The following RAP1GAP2 variants were observed in gnomAD, a reference collection of about 807,000 sequenced individuals.
The protein encoded by RAP1GAP2 is RAP1 GTPase activating protein 2, also known as rap1 GTPase-activating protein 2.
In RAP1GAP2, 27 loss-of-function variants were observed where a neutral mutation model predicts 95.0. The observed-to-expected ratio is 0.28, with a 90% CI of 0.21 to 0.39. The LOEUF (loss-of-function observed/expected upper bound fraction) is 0.39, where lower values mean the gene tolerates loss of function less well. RAP1GAP2 is among the 10% of genes least tolerant of loss of function. RAP1GAP2 has a pLI of 1.00. For missense variants in RAP1GAP2, 771 were observed against 970.0 expected (o/e 0.79, Z 2.72); for synonymous variants, 373 against 380.9 (o/e 0.98, Z 0.24).
At chr17:2,771,445 G>C (rs1044608787) in intron 2 of RAP1GAP2, among the ~76,000 whole-genome samples, 1 of 151,320 alleles carries the variant, frequency 6.6e-6, no homozygotes, top group Non-Finnish European at 1.5e-5. Flanking sequence ...CACCCGACCC[G>C]GGGACTTTCT....
At chr17:2,813,646 C>T (rs913803885) in intron 2 of RAP1GAP2, among the ~76,000 whole-genome samples, 3 of 152,112 alleles carry the variant, frequency 2.0e-5, no homozygotes, top group African/African-American at 7.2e-5. Flanking sequence ...ATGCCCACAA[C>T]CCACCCCTCA....
rs1168175299 is a variant in RAP1GAP2, at chr17:3,026,930, G to A, written c.1981-14G>A. On this transcript the variant is annotated splice_polypyrimidine_tract_variant and intron_variant, in intron 21 of 24. Coordinates refer to ENST00000254695, the MANE Select transcript of RAP1GAP2 (RefSeq NM_015085.5). Reference sequence around the variant, plus strand: ...AGGGTGGGCTGGCCTCGCTCACCCTGCCTCTCTCCTCAGGGCAGCCAGCCG... The same window carrying A: ...AGGGTGGGCTGGCCTCGCTCACCCTACCTCTCTCCTCAGGGCAGCCAGCCG... 1.9e-6 allele frequency: 3 copies of A among 1,549,512 alleles called. No individual in the cohort carries two copies. Among genetic ancestry groups the A allele is most frequent in the Non-Finnish European group, 2.6e-6 (3 of 1,145,988 alleles).
chr17:2,898,569 G>C (rs1310868475), intron 2 of RAP1GAP2, among the ~76,000 whole-genome samples: 1 of 152,178 alleles, frequency 6.6e-6, no homozygotes, highest in Non-Finnish European at 1.5e-5. Context: ...GGGCCTGGCG[G>C]TTCCCACATG....
At chr17:3,026,548 C>T (rs1289454406) in intron 21 of RAP1GAP2, 84 bp downstream of exon 21, 12 of 1,126,008 alleles carry the variant, frequency 1.1e-5, no homozygotes, top group South Asian at 1.6e-5. Flanking sequence ...CACTGTGGAT[C>T]GAAGCCCATG....
intron 8 of RAP1GAP2, among the ~76,000 whole-genome samples, chr17:2,976,002 G>A (rs2045102641): frequency 6.6e-6 from 1 of 152,202 alleles, no homozygotes; most frequent in Admixed American, 6.5e-5. Context: ...TCATCACCCT[G>A]ATGTTCCGTG....
At position 2,965,693 on chromosome 17, in the gene RAP1GAP2, C is replaced by A; in HGVS notation, c.596+50C>A. 1 of 1,375,174 alleles carries A rather than the reference C, an allele frequency of 7.3e-7. No homozygotes were observed. Among genetic ancestry groups the A allele is most frequent in the Non-Finnish European group, 1.0e-6 (1 of 983,298 alleles). The allele number at this position is 1,375,174 out of a possible 1,614,324, so 85.2% of individuals were successfully genotyped here. A position where few individuals can be genotyped will look rare whatever the true frequency, so the allele number is the denominator to read the frequency against. On this transcript the variant is annotated intron_variant, in intron 8 of 24. Coordinates refer to ENST00000254695, the MANE Select transcript of RAP1GAP2 (RefSeq NM_015085.5). The surrounding 1 kb of genome is among the most constrained non-coding windows in gnomAD (Gnocchi z 4.7). ...CCACTTCTCTTCCAGGCAGGGCTCT[C>A]ATCGGTGGTGTGGGGGCTGGGATGG...
At chr17:2,821,399 G>A (rs375681775) in intron 2 of RAP1GAP2, among the ~76,000 whole-genome samples, 14 of 133,806 alleles carry the variant, frequency 1.0e-4, no homozygotes, top group Non-Finnish European at 4.6e-5. Context: ...TTTTTGAGAC[G>A]GAGTCTCGCT....
chr17:2,991,556 CAG>C (rs561454839), intron 12 of RAP1GAP2, among the ~76,000 whole-genome samples, 159 bp downstream of exon 12: 63 of 151,474 alleles, frequency 4.2e-4, no homozygotes, highest in Non-Finnish European at 6.5e-4. Flanking sequence ...TCTAAGGAAT[CAG>C]GGGTCCAAGG....
chr17:2,815,778 G>A (rs1966298), intron 2 of RAP1GAP2, among the ~76,000 whole-genome samples: 47,738 of 152,090 alleles, frequency 0.31, 8,069 homozygotes, highest in Non-Finnish European at 0.39. Context: ...CACCGCACCC[G>A]GCCCCATTTC....
At position 2,825,115 on chromosome 17, in the gene RAP1GAP2, A is replaced by G. The variant is rs572016420; in HGVS notation, c.80+24565A>G. On this transcript the variant is annotated intron_variant, in intron 2 of 24. Coordinates refer to ENST00000254695, the MANE Select transcript of RAP1GAP2 (RefSeq NM_015085.5). This position sits in a 1 kb window ranked among gnomAD's most constrained non-coding sequence, Gnocchi z 4.1. ...CTGGCTAATTTTTAAAATGTTTCTT[A>G]TAGAGATGGGGTCTTGCTATGCTGT... Among the ~76,000 whole-genome samples the G allele has an allele frequency of 2.7e-4, 41 of 152,126 alleles. No individual in the cohort carries two copies. Among genetic ancestry groups the G allele is most frequent in the African/African-American group, 9.9e-4 (41 of 41,532 alleles).
rs575905767 is a variant in RAP1GAP2 at position 2,888,715 on chromosome 17, G to A, written c.81-16569G>A. ...TCACCAGGCTGGAGCGTATTGGTGC[G>A]ATCTCAGCTTGCTGCAACCTCCGCC... On this transcript the variant is annotated intron_variant, in intron 2 of 24. Transcript: ENST00000254695. 8.0e-4 allele frequency among the ~76,000 whole-genome samples: 116 copies of A among 145,412 alleles called. 1 individual carries two copies. The highest frequency in any genetic ancestry group is 1.5e-3 in the Non-Finnish European group (99 of 67,208).
At chr17:2,919,826 C>T (rs2042692262) in intron 3 of RAP1GAP2, among the ~76,000 whole-genome samples, 1 of 152,124 alleles carries the variant, frequency 6.6e-6, no homozygotes, top group African/African-American at 2.4e-5. Context: ...CCTCAGCCTC[C>T]CAAGTAGCTG....
At position 2,986,088 on chromosome 17, in the gene RAP1GAP2, C is replaced by T. The variant is rs192842261; in HGVS notation, c.813+1022C>T. 7.2e-5 allele frequency among the ~76,000 whole-genome samples: 11 copies of T among 152,148 alleles called. 1 individual carries two copies. Among genetic ancestry groups the T allele is most frequent in the African/African-American group, 2.4e-4 (10 of 41,490 alleles). On this transcript the variant is annotated intron_variant, in intron 11 of 24. Coordinates refer to ENST00000254695, the MANE Select transcript of RAP1GAP2 (RefSeq NM_015085.5). Reference sequence around the variant, plus strand: ...TTAATGAACGAATAAAAATGTTGGCCCTACTAATGGCAGGTTAATAGTATC... The same window carrying T: ...TTAATGAACGAATAAAAATGTTGGCTCTACTAATGGCAGGTTAATAGTATC...
At chr17:2,795,530 C>G (rs530532870), upstream of RAP1GAP2, among the ~76,000 whole-genome samples, 29 of 152,204 alleles carry the variant, frequency 1.9e-4, no homozygotes, top group Admixed American at 3.9e-4. Flanking sequence ...ACCGCCCCCC[C>G]ACCCCACACA....
chr17:3,024,060 A>G (rs2047032120), intron 19 of RAP1GAP2, among the ~76,000 whole-genome samples: 1 of 152,198 alleles, frequency 6.6e-6, no homozygotes, highest in Non-Finnish European at 1.5e-5. Flanking sequence ...TTGGGAACCA[A>G]TAGGGTAGAG....
intron 3 of RAP1GAP2, among the ~76,000 whole-genome samples, chr17:2,928,899 C>T (rs538978060): frequency 6.6e-6 from 1 of 152,000 alleles, no homozygotes; most frequent in Non-Finnish European, 1.5e-5. Context: ...CCTGAGAGAC[C>T]CAGGGGCTGG....
rs560896122 is a variant in RAP1GAP2, at chr17:2,949,775, C to T, written c.166-7984C>T. Among the ~76,000 whole-genome samples the T allele has an allele frequency of 1.4e-3, 211 of 152,322 alleles. 1 individual carries two copies. In the Middle Eastern group the frequency reaches 0.02, roughly 15 times the overall value. ...GTCCGAAAGGCTGAGCTGCTGTTCC[C>T]GGCTGGCCTGAGTCACGCTGCTTCT... On this transcript the variant is annotated intron_variant, in intron 3 of 24. Transcript: ENST00000254695.
chr17:2,819,224 G>C (rs535282086), intron 2 of RAP1GAP2, among the ~76,000 whole-genome samples: 1 of 151,650 alleles, frequency 6.6e-6, no homozygotes, highest in Non-Finnish European at 1.5e-5. Context: ...GTTTCACCGT[G>C]TTAGCCAGGA....
chr17:2,901,029 TGTCTAGCTCC>T (rs1399796482), intron 2 of RAP1GAP2, among the ~76,000 whole-genome samples: 2 of 152,222 alleles, frequency 1.3e-5, no homozygotes, highest in African/African-American at 4.8e-5. Flanking sequence ...GCCAGGGGTC[TGTCTAGCTCC>T]GTCTGGGTGA....
Sources: gnomAD v4.1 joint callset for allele counts (sites outside exome capture counted in the v4.1 genomes callset) on GRCh38, gnomAD v4.1.1 for gene constraint, Gnocchi (gnomAD v3.1) non-coding constraint, MANE v1.5 for transcripts, NCBI Gene and HGNC (gene_info 2026-07-23, HGNC 2026-07-21) for gene names.